The following TTBK1 variants were observed in gnomAD, a reference collection of about 807,000 sequenced individuals.
The protein encoded by TTBK1 is tau-tubulin kinase 1.
TTBK1 carries 34 observed loss-of-function variants against 108.5 expected under a neutral mutation model. The ratio of observed to expected loss-of-function variants is 0.31; its 90% CI spans 0.24 to 0.42. The LOEUF is 0.42. Ranked by LOEUF, TTBK1 falls within the 10% of genes least tolerant of loss-of-function variation. The pLI is 1.00. For synonymous variants in TTBK1, 809 were observed against 795.1 expected (o/e 1.02, Z -0.29); for missense variants, 1,539 against 1,826.0 (o/e 0.84, Z 2.86).
chr6:43,278,266 G>C (rs996319900), intron 13 of TTBK1, among the ~76,000 whole-genome samples: 1 of 152,166 alleles, frequency 6.6e-6, no homozygotes, highest in African/African-American at 2.4e-5. Flanking sequence ...CTCCTAACTG[G>C]AGTAAACATG....
Position 43,254,606 on chromosome 6 carries a change from C to G in TTBK1, c.531C>G (p.Phe177Leu). ...STYRKCYMLD[F>L]GLARQYTNTT... is the part of the protein sequence containing the mutation. The stretch of plus-strand genomic sequence containing the variant: ...ACAGGAAGTGCTATATGCTGGACTT[C>G]GGGCTGGCCCGGCAGTACACCAACA... The change falls in exon 6 of 15, where the codon TTC (phenylalanine) becomes TTG (leucine). Residue 177 changes from phenylalanine to leucine, a missense_variant. Physicochemically the swap from Phe to Leu is conservative, Grantham distance 22. This residue lies in a region of TTBK1 where 155 missense variants were observed against 348.5 expected (regional missense o/e 0.44). Coordinates refer to ENST00000259750, the MANE Select transcript of TTBK1 (RefSeq NM_032538.3). 6.3e-7 allele frequency: 1 copy of G among 1,590,538 alleles called. No homozygotes were observed. The highest frequency in any genetic ancestry group is 8.5e-7 in the Non-Finnish European group (1 of 1,170,602).
At chr6:43,252,646 T>G in intron 2 of TTBK1, 93 bp from the exon 3 acceptor site, 5 of 1,422,836 alleles carry the variant, frequency 3.5e-6, no homozygotes. Context: ...ATACCCCCCT[T>G]CCCCACCAAT....
Position 43,268,511 on chromosome 6 carries a change from C to G in TTBK1, c.1986+5161C>G, listed in dbSNP as rs565468314. On this transcript the variant is annotated intron_variant, in intron 13 of 14. Transcript: ENST00000259750. The stretch of plus-strand genomic sequence containing the variant: ...TGCTGGGGCTGAGTGTCCCAGGCCC[C>G]CTCCTTCCTGGAGGAGCTGGCCCAG... Among the ~76,000 whole-genome samples, 3 of 152,334 alleles carry G rather than the reference C, an allele frequency of 2.0e-5. No individual in the cohort carries two copies. The East Asian group carries it at 5.8e-4, about 29-fold the overall frequency.
chr6:43,278,563 T>A (rs1220534194), intron 13 of TTBK1, among the ~76,000 whole-genome samples: 1 of 152,164 alleles, frequency 6.6e-6, no homozygotes, highest in Admixed American at 6.6e-5. Flanking sequence ...GACAATGTTG[T>A]GCCAAGCCAG....
intron 13 of TTBK1, among the ~76,000 whole-genome samples, chr6:43,277,502 G>A (rs1359364477): frequency 6.6e-6 from 1 of 152,220 alleles, no homozygotes; most frequent in Non-Finnish European, 1.5e-5. Context: ...CCAAAGCCCC[G>A]GGGCATTTAG....
intron 14 of TTBK1, 67 bp downstream of exon 14, chr6:43,284,379 C>CTCCAGAACCAAGGTGAGGGGCTTA: frequency 6.7e-7 from 1 of 1,482,916 alleles, no homozygotes; most frequent in Non-Finnish European, 8.9e-7. Flanking sequence ...GGAGGGGCTT[C>CTCCAGAACCAAGGTGAGGGGCTTA]TCCAGAACCA....
chr6:43,283,093 C>G lies in TTBK1; in HGVS notation c.2353C>G (p.Arg785Gly), dbSNP rs748061688. ...AVALGEVLGP[R>G]SGSSSEGSER... is the part of the protein sequence containing the mutation. ...TGCCTTGGGGGAGGTGCTGGGGCCT[C>G]GTAGTGGCTCCAGCAGTGAGGGGAG... is the stretch of plus-strand genomic sequence containing the variant. Residue 785 changes from arginine (R) to glycine (G), a missense_variant, in exon 14 of 15, where the codon CGT becomes GGT. This residue lies in a region of TTBK1 where 1,055 missense variants were observed against 1,086.5 expected (regional missense o/e 0.97). Coordinates refer to ENST00000259750, the MANE Select transcript of TTBK1 (RefSeq NM_032538.3). This position sits in a 1 kb window ranked among gnomAD's most constrained non-coding sequence, Gnocchi z 8.1. 4.7e-5 allele frequency: 74 copies of G among 1,582,858 alleles called. No individual in the cohort carries two copies. The highest frequency in any genetic ancestry group is 6.3e-5 in the Non-Finnish European group (73 of 1,165,106).
Position 43,283,420 on chromosome 6 carries a change from G to C in TTBK1, c.2680G>C (p.Glu894Gln). 6.2e-7 allele frequency: 1 copy of C among 1,613,156 alleles called. No individual in the cohort carries two copies. Among genetic ancestry groups the C allele is most frequent in the Non-Finnish European group, 8.5e-7 (1 of 1,179,620 alleles). The part of the protein sequence containing the change: ...PGTLSSVLKS[E>Q]PKPPGPGAGL... ...CACCCTGTCCTCTGTCCTCAAGTCT[G>C]AGCCCAAGCCCCCGGGGCCTGGGGC... The change falls in exon 14 of 15, where the codon GAG becomes CAG. Residue 894 changes from glutamate to glutamine, a missense_variant. By Grantham distance (29) the Glu-to-Gln change is conservative. Transcript: ENST00000259750. The surrounding 1 kb of genome is among the most constrained non-coding windows in gnomAD (Gnocchi z 8.1).
At chr6:43,272,203 C>T in intron 13 of TTBK1, 1 of 985,400 alleles carries the variant, frequency 1.0e-6, no homozygotes, top group Non-Finnish European at 1.2e-6. Flanking sequence ...GGCAAGGGCC[C>T]CCCCACCCAA....
intron 13 of TTBK1, among the ~76,000 whole-genome samples, chr6:43,277,470 G>T (rs1396400747): frequency 1.3e-5 from 2 of 152,198 alleles, no homozygotes; most frequent in Non-Finnish European, 2.9e-5. Context: ...GAAAGGCAAA[G>T]GGGCAAGCTC....
At chr6:43,280,859 A>G (rs1360959744) in intron 13 of TTBK1, among the ~76,000 whole-genome samples, 1 of 147,782 alleles carries the variant, frequency 6.8e-6, no homozygotes, top group Admixed American at 6.7e-5. Context: ...GTAGCAAGTT[A>G]TCATGTGCAG....
rs181064736 is a variant in TTBK1, at chr6:43,273,739, A to G, written c.1987-8988A>G. Among the ~76,000 whole-genome samples, 1 of 152,326 alleles carries G rather than the reference A, an allele frequency of 6.6e-6. No individual in the cohort carries two copies. Among genetic ancestry groups the G allele is most frequent in the East Asian group, 1.9e-4 (1 of 5,188 alleles). ...CAACCAATTGTTGCCACTATCTTCT[A>G]ATTTTTATTTGAAATCTCCCAATTT... On this transcript the variant is annotated intron_variant, in intron 13 of 14. Transcript: ENST00000259750. The surrounding 1 kb of genome is among the most constrained non-coding windows in gnomAD (Gnocchi z 4.2).
At chr6:43,278,943 G>T (rs1303580188) in intron 13 of TTBK1, among the ~76,000 whole-genome samples, 2 of 152,208 alleles carry the variant, frequency 1.3e-5, no homozygotes, top group Non-Finnish European at 2.9e-5. Flanking sequence ...CTCACCCTGA[G>T]ATTCAGGGCT....
In TTBK1 at chr6:43,284,267, G is replaced by T; in HGVS notation, c.3527G>T (p.Arg1176Ile). The T allele has an allele frequency of 6.3e-7, 1 of 1,591,116 alleles. No individual in the cohort carries two copies. The highest frequency in any genetic ancestry group is 1.1e-5 in the South Asian group (1 of 90,350). The change falls in exon 14 of 15, where the codon AGA becomes ATA. Residue 1176 changes from arginine (R) to isoleucine (I), a missense_variant. Coordinates refer to ENST00000259750, the MANE Select transcript of TTBK1 (RefSeq NM_032538.3). The stretch of plus-strand genomic sequence containing the variant: ...GTTGCAGCCCAGCAGCCCGCCAGCA[G>T]ATCCCATGGCGCGGCCCCAGCATTG... Reference protein sequence around the residue: ...MPVAAQQPASRSHGAAPALDT... With the variant: ...MPVAAQQPASISHGAAPALDT...
chr6:43,252,592 A>G (rs1389626515), intron 2 of TTBK1, 147 bp from the exon 3 acceptor site: 8 of 878,868 alleles, frequency 9.1e-6, no homozygotes, highest in Non-Finnish European at 1.2e-5. Context: ...ACTGCACTCC[A>G]GCCTGGGCGA....
At chr6:43,252,392 G>A (rs2651183) in intron 2 of TTBK1, among the ~76,000 whole-genome samples, 7,652 of 151,986 alleles carry the variant, frequency 0.05, 269 homozygotes, top group African/African-American at 0.1. Flanking sequence ...TTGGGAGGCC[G>A]AGGCAGCTGG....
chr6:43,255,222 A>G (rs1777352832), intron 7 of TTBK1, 108 bp downstream of exon 7: 1 of 984,674 alleles, frequency 1.0e-6, no homozygotes, highest in South Asian at 1.4e-5. Flanking sequence ...CAGGGGCTGC[A>G]ATCTGCCACC....
rs895304659 is a variant in TTBK1, at chr6:43,243,959, C to T, written c.-55+251C>T. ...CACTTTGCTCCTCCCCACTCACCTC[C>T]GTCCCCTGTCCCCATGGCTTCACCC... On this transcript the variant is annotated intron_variant, in intron 1 of 14. Coordinates refer to ENST00000259750, the MANE Select transcript of TTBK1 (RefSeq NM_032538.3). The surrounding 1 kb of genome is among the most constrained non-coding windows in gnomAD (Gnocchi z 5.5). 1.9e-3 allele frequency among the ~76,000 whole-genome samples: 293 copies of T among 152,230 alleles called. 4 individuals are homozygous for T. Among genetic ancestry groups the T allele is most frequent in the Non-Finnish European group, 6.6e-4 (45 of 67,984 alleles).
At chr6:43,277,148 C>T (rs762422021) in intron 13 of TTBK1, among the ~76,000 whole-genome samples, 7 of 152,130 alleles carry the variant, frequency 4.6e-5, no homozygotes, top group Non-Finnish European at 1.0e-4. Flanking sequence ...TACTGAGGAG[C>T]CTCCCACTGG....
Sources: allele counts gnomAD v4.1 joint callset (sites outside exome capture counted in the v4.1 genomes callset), GRCh38; gene constraint gnomAD v4.1.1; regional missense constraint gnomAD v4.1.1; non-coding constraint Gnocchi (gnomAD v3.1); transcripts MANE v1.5; gene names NCBI Gene and HGNC (gene_info 2026-07-23, HGNC 2026-07-21).